Variants in TEKTL1 observed in about 807,000 individuals in gnomAD.
The protein encoded by TEKTL1 is tektin like 1.
the TEKTL1 span, among the ~76,000 whole-genome samples, chr19:15,019,446 A>T: frequency 6.6e-6 from 1 of 152,234 alleles, no homozygotes; most frequent in African/African-American, 2.4e-5. Flanking sequence ...TAGTTTGATA[A>T]CATCCTTCCA....
chr19:15,014,884 C>T, the TEKTL1 span, among the ~76,000 whole-genome samples: 1 of 151,980 alleles, frequency 6.6e-6, no homozygotes, highest in Non-Finnish European at 1.5e-5. Context: ...TGAGGATGGA[C>T]GTGGGAGCAA....
chr19:15,013,457 C>T, the TEKTL1 span, among the ~76,000 whole-genome samples: 1 of 152,138 alleles, frequency 6.6e-6, no homozygotes, highest in Non-Finnish European at 1.5e-5. Context: ...CAACCTCAAG[C>T]TCCAGAGAGC....
chr19:15,016,396 G>A, the TEKTL1 span, among the ~76,000 whole-genome samples: 2 of 138,798 alleles, frequency 1.4e-5, no homozygotes, highest in Non-Finnish European at 3.1e-5. Flanking sequence ...CACCATGTGC[G>A]CCAGGCTGGT....
At chr19:15,019,358 A>G in the TEKTL1 span, among the ~76,000 whole-genome samples, 1 of 152,218 alleles carries the variant, frequency 6.6e-6, no homozygotes, top group Non-Finnish European at 1.5e-5. Flanking sequence ...AGCTGGGAAA[A>G]TTAAGTGGAA....
the TEKTL1 span, among the ~76,000 whole-genome samples, chr19:15,015,528 A>G: frequency 0.32 from 44,540 of 139,050 alleles, 6,853 homozygotes; most frequent in East Asian, 0.55. Flanking sequence ...TCAATCCTAT[A>G]ATTCCACCCT....
At chr19:15,013,793 G>A in the TEKTL1 span, 1 of 1,556,986 alleles carries the variant, frequency 6.4e-7, no homozygotes, top group South Asian at 1.1e-5. Context: ...GGTGCCTGTG[G>A]ACAAGTTACG....
chr19:15,012,256 A>G, the TEKTL1 span, among the ~76,000 whole-genome samples: 3 of 151,648 alleles, frequency 2.0e-5, no homozygotes, highest in East Asian at 5.8e-4. Flanking sequence ...GTGAGATCCC[A>G]TCTCTCCAAA....
chr19:15,020,154 TAA>T, the TEKTL1 span, among the ~76,000 whole-genome samples: 4 of 151,386 alleles, frequency 2.6e-5, no homozygotes, highest in African/African-American at 9.7e-5. Flanking sequence ...CAAAAAGTTT[TAA>T]AAATAGCAAG....
chr19:15,021,795 C>T, the TEKTL1 span: 1 of 1,613,440 alleles, frequency 6.2e-7, no homozygotes, highest in Non-Finnish European at 8.5e-7. Flanking sequence ...TTGCACACCG[C>T]ACCCCACCAG....
the TEKTL1 span, among the ~76,000 whole-genome samples, chr19:15,015,065 C>T: frequency 1.3e-5 from 2 of 152,118 alleles, no homozygotes; most frequent in African/African-American, 4.8e-5. Flanking sequence ...TTGCAAGTGC[C>T]TGCAGTCCCT....
At chr19:15,019,440 T>C in the TEKTL1 span, among the ~76,000 whole-genome samples, 1 of 152,214 alleles carries the variant, frequency 6.6e-6, no homozygotes, top group Non-Finnish European at 1.5e-5. Flanking sequence ...GTTAATTAGT[T>C]TGATAACATC....
At chr19:15,021,906 C>A in the TEKTL1 span, 1 of 1,613,352 alleles carries the variant, frequency 6.2e-7, no homozygotes, top group Non-Finnish European at 8.5e-7. Context: ...CCGGAGGCTG[C>A]GCGCCTCGCA....
chr19:15,018,285 C>T, the TEKTL1 span, among the ~76,000 whole-genome samples: 2 of 152,054 alleles, frequency 1.3e-5, no homozygotes, highest in African/African-American at 2.4e-5. Context: ...ACCCGGGAGG[C>T]AGAGGTTTCA....
chr19:15,018,254 T>A, the TEKTL1 span, among the ~76,000 whole-genome samples: 49 of 152,010 alleles, frequency 3.2e-4, no homozygotes, highest in Non-Finnish European at 4.4e-5. Flanking sequence ...CTCATGAGGC[T>A]GAAGCAGGAG....
At chr19:15,015,468 G>A in the TEKTL1 span, among the ~76,000 whole-genome samples, 3 of 151,940 alleles carry the variant, frequency 2.0e-5, no homozygotes, top group Admixed American at 6.6e-5. Context: ...CTTGCTCTAC[G>A]GTGATTTCAA....
At chr19:15,020,799 G>A in the TEKTL1 span, 4 of 701,826 alleles carry the variant, frequency 5.7e-6, no homozygotes, top group African/African-American at 3.6e-5. Flanking sequence ...CTATCATGCT[G>A]AGCACACATT....
chr19:15,013,645 G>T, the TEKTL1 span: 24 of 1,540,424 alleles, frequency 1.6e-5, no homozygotes, highest in Non-Finnish European at 2.2e-5. Context: ...TCTTAACGAT[G>T]TGAGGGATTC....
At chr19:15,013,734 GA>G in the TEKTL1 span, 6 of 1,613,858 alleles carry the variant, frequency 3.7e-6, no homozygotes, top group Non-Finnish European at 5.1e-6. Context: ...GCATGAAGAG[GA>G]AAATGGAGAG....
At chr19:15,016,184 CCTTT>C in the TEKTL1 span, among the ~76,000 whole-genome samples, 1 of 111,762 alleles carries the variant, frequency 8.9e-6, no homozygotes, top group African/African-American at 4.3e-5. Flanking sequence ...GGACAGCTGT[CCTTT>C]TTTTTTTTTT....
Sources: allele counts gnomAD v4.1 joint callset (sites outside exome capture counted in the v4.1 genomes callset), GRCh38; gene constraint gnomAD v4.1.1; transcripts MANE v1.5; gene names NCBI Gene and HGNC (gene_info 2026-07-23, HGNC 2026-07-21).